The following CALN1 variants were observed in gnomAD, a reference collection of about 807,000 sequenced individuals.
CALN1 encodes calcium-binding protein 8.
In CALN1, 17 loss-of-function variants were observed where a neutral mutation model predicts 30.6. The ratio of observed to expected loss-of-function variants is 0.56; its 90% CI spans 0.38 to 0.83. The LOEUF (loss-of-function observed/expected upper bound fraction) is 0.83. Among genes scored for constraint, CALN1 ranks in the 40% least tolerant of loss-of-function variants. CALN1 has a pLI of 0.00. For synonymous variants in CALN1, 156 were observed against 131.4 expected (o/e 1.19, Z -1.28); for missense variants, 291 against 354.9 (o/e 0.82, Z 1.45).
At chr7:72,302,529 A>C (rs6969123) in intron 2 of CALN1, among the ~76,000 whole-genome samples, 1 of 152,080 alleles carries the variant, frequency 6.6e-6, no homozygotes, top group Non-Finnish European at 1.5e-5. Flanking sequence ...GCTCAGGCCC[A>C]TCATCCCAGT....
intron 4 of CALN1, among the ~76,000 whole-genome samples, chr7:72,049,457 A>G (rs1395579689): frequency 6.6e-6 from 1 of 152,248 alleles, no homozygotes; most frequent in African/African-American, 2.4e-5. Flanking sequence ...ACTGTGATGA[A>G]CTATAGGGCA....
At chr7:71,948,747 AT>A (rs1796537507) in intron 5 of CALN1, among the ~76,000 whole-genome samples, 11 of 139,892 alleles carry the variant, frequency 7.9e-5, no homozygotes, top group African/African-American at 2.4e-4. Flanking sequence ...AAAAAAAATA[AT>A]AATTTGTTTT....
At chr7:72,493,505 A>G in the CALN1 span, among the ~76,000 whole-genome samples, 23,567 of 151,912 alleles carry the variant, frequency 0.16, 2,026 homozygotes, top group African/African-American at 0.21. Flanking sequence ...CTCCCAGCTA[A>G]TTTTTGTATT....
chr7:71,881,028 C>T (rs987608059), intron 5 of CALN1, among the ~76,000 whole-genome samples: 3 of 152,320 alleles, frequency 2.0e-5, no homozygotes, highest in African/African-American at 7.2e-5. Context: ...GCTACCTGCA[C>T]AGCCAGAATA....
intron 5 of CALN1, among the ~76,000 whole-genome samples, chr7:71,889,775 C>T (rs1472951669): frequency 3.3e-5 from 5 of 152,138 alleles, no homozygotes; most frequent in East Asian, 1.9e-4. Context: ...GCCAACATGG[C>T]GAAACCCTGT....
chr7:72,432,962 G>A (rs1295747346), intron 1 of CALN1, among the ~76,000 whole-genome samples: 2 of 152,124 alleles, frequency 1.3e-5, no homozygotes, highest in African/African-American at 4.8e-5. Context: ...AGGAGAGGCG[G>A]GAAAAGAACA....
At chr7:72,438,977 A>G (rs1808261254) in intron 1 of CALN1, among the ~76,000 whole-genome samples, 1 of 152,152 alleles carries the variant, frequency 6.6e-6, no homozygotes, top group African/African-American at 2.4e-5. Context: ...TGAACCTCAA[A>G]CCCTGTGGGG....
chr7:72,018,760 T>C (rs1800543044), intron 5 of CALN1, among the ~76,000 whole-genome samples: 1 of 152,202 alleles, frequency 6.6e-6, no homozygotes, highest in Non-Finnish European at 1.5e-5. Flanking sequence ...TTTTGCTGAA[T>C]CCCATTTGAT....
intron 3 of CALN1, among the ~76,000 whole-genome samples, chr7:72,119,286 T>C (rs372438471): frequency 6.6e-6 from 1 of 151,748 alleles, no homozygotes; most frequent in African/African-American, 2.4e-5. Context: ...ATGTCTTACA[T>C]GGTGGCAGAA....
chr7:72,033,385 T>C (rs550784224), intron 4 of CALN1, among the ~76,000 whole-genome samples: 42 of 152,338 alleles, frequency 2.8e-4, no homozygotes, highest in African/African-American at 9.6e-4. Flanking sequence ...TGAGACTCCA[T>C]TCAAATTAGT....
At chr7:71,836,288 T>C (rs1374798061) in intron 5 of CALN1, among the ~76,000 whole-genome samples, 2 of 152,106 alleles carry the variant, frequency 1.3e-5, no homozygotes, top group Non-Finnish European at 2.9e-5. Context: ...CTATCACCCT[T>C]GCAATTTCCA....
chr7:72,117,851 A>C (rs1354426771), intron 3 of CALN1, among the ~76,000 whole-genome samples: 1 of 151,606 alleles, frequency 6.6e-6, no homozygotes, highest in Non-Finnish European at 1.5e-5. Flanking sequence ...CCAGATACTC[A>C]GGAGGCTGAG....
intron 2 of CALN1, among the ~76,000 whole-genome samples, chr7:72,311,455 G>A (rs1449843400): frequency 6.6e-6 from 1 of 151,874 alleles, no homozygotes; most frequent in Non-Finnish European, 1.5e-5. Flanking sequence ...CATTGTGGAA[G>A]GATCAACTGT....
chr7:72,314,797 CA>C (rs1800320694), intron 2 of CALN1, among the ~76,000 whole-genome samples: 1 of 148,150 alleles, frequency 6.7e-6, no homozygotes, highest in African/African-American at 2.5e-5. Flanking sequence ...AACATGATTC[CA>C]AAACTTAAAT....
chr7:71,978,552 G>A (rs559332139), intron 5 of CALN1, among the ~76,000 whole-genome samples: 1 of 152,296 alleles, frequency 6.6e-6, no homozygotes, highest in East Asian at 1.9e-4. Context: ...GGGATTACAG[G>A]CATGAATTCT....
intron 3 of CALN1, among the ~76,000 whole-genome samples, chr7:72,254,317 G>A (rs943184501): frequency 6.6e-6 from 1 of 152,106 alleles, no homozygotes; most frequent in Non-Finnish European, 1.5e-5. Context: ...AATTTGCTCA[G>A]GACTGCATCA....
the CALN1 span, among the ~76,000 whole-genome samples, chr7:72,486,059 G>C: frequency 2.6e-5 from 4 of 152,076 alleles, no homozygotes; most frequent in African/African-American, 7.2e-5. Context: ...AGATGATATA[G>C]CCTACTACAC....
rs573177854 is a variant in CALN1 at position 72,342,722 on chromosome 7, C to T, written c.119+60529G>A. Among the ~76,000 whole-genome samples, 38 of 152,192 alleles carry T rather than the reference C, an allele frequency of 2.5e-4. No homozygotes were observed. The South Asian group carries it at 5.6e-3, about 23-fold the overall frequency. On this transcript the variant is annotated intron_variant, in intron 2 of 6. Coordinates refer to ENST00000395275, the MANE Select transcript of CALN1 (RefSeq NM_031468.4). ...TGCTACCTTACCAGTGATAATCCTC[C>T]GGTAAATATCCCCTTCCCTTATCTT...
intron 2 of CALN1, among the ~76,000 whole-genome samples, chr7:72,336,104 C>T (rs1457127805): frequency 6.6e-6 from 1 of 152,176 alleles, no homozygotes; most frequent in Non-Finnish European, 1.5e-5. Flanking sequence ...CCCCTTGCAC[C>T]CTGGCGCCCC....
Sources: gnomAD v4.1 joint callset for allele counts (sites outside exome capture counted in the v4.1 genomes callset) on GRCh38, gnomAD v4.1.1 for gene constraint, MANE v1.5 for transcripts, NCBI Gene and HGNC (gene_info 2026-07-23, HGNC 2026-07-21) for gene names.